The following BRWD1 variants were observed in gnomAD, a reference collection of about 807,000 sequenced individuals.
BRWD1 encodes bromodomain and WD repeat domain containing 1, also known as bromodomain and WD repeat-containing protein 1.
A neutral mutation model predicts 251.2 loss-of-function variants in BRWD1; 82 were observed. The ratio of observed to expected loss-of-function variants is 0.33; its 90% confidence interval spans 0.27 to 0.39. The LOEUF is 0.39. Ranked by LOEUF, BRWD1 falls within the 10% of genes least tolerant of loss-of-function variation. The probability of loss-of-function intolerance (pLI) is 1.00; values close to 1 mark genes in which losing one functional copy is unlikely to be tolerated. For missense variants in BRWD1, 2,233 were observed against 2,711.6 expected (o/e 0.82, Z 3.92); for synonymous variants, 918 against 902.8 (o/e 1.02, Z -0.30).
chr21:39,194,524 G>C lies in BRWD1; in HGVS notation c.*1735C>G, dbSNP rs1220654068. ...GCATCATAGTTCTGAAATGGTGATA[G>C]CTCTCTAAGCCACAAATGAGAGGAG... is the stretch of plus-strand genomic sequence containing the variant. On this transcript the variant is annotated 3_prime_UTR_variant, in exon 41 of 41. Coordinates refer to ENST00000342449, the MANE Select transcript of BRWD1 (RefSeq NM_033656.4). 2.1e-6 allele frequency: 3 copies of C among 1,430,012 alleles called. No homozygotes were observed. Among genetic ancestry groups the C allele is most frequent in the South Asian group, 3.0e-5 (2 of 65,922 alleles). 88.6% of individuals were successfully genotyped at this position (1,430,012 alleles called of 1,614,324 possible). A position where few individuals can be genotyped will look rare whatever the true frequency, so the allele number is the denominator to read the frequency against.
intron 4 of BRWD1, among the ~76,000 whole-genome samples, chr21:39,301,520 T>C (rs1243700096): frequency 6.6e-6 from 1 of 152,092 alleles, no homozygotes; most frequent in Non-Finnish European, 1.5e-5. Flanking sequence ...CTGCCAAAAC[T>C]ACATGAGCTT....
In BRWD1 at chr21:39,202,440, G is replaced by A. The variant is rs746685268; in HGVS notation, c.4470C>T (p.His1490=). The A allele has an allele frequency of 8.1e-6, 13 of 1,614,098 alleles. No individual in the cohort carries two copies. Among genetic ancestry groups the A allele is most frequent in the Non-Finnish European group, 1.0e-5 (12 of 1,179,958 alleles). ...TSSRTAYLGT[H]KTSAGISSGV... ...CTGAAGAGATACCAGCACTTGTCTT[G>A]TGGGTTCCAAGATAAGCTGTCCTAC... The change falls in exon 38 of 41, where the codon CAC becomes CAT. Residue 1490 remains histidine (H), a synonymous_variant. Transcript: ENST00000342449.
chr21:39,255,536 T>C (rs1370101133), intron 19 of BRWD1, 109 bp downstream of exon 19: 4 of 881,270 alleles, frequency 4.5e-6, no homozygotes, highest in Non-Finnish European at 6.8e-6. Flanking sequence ...TCATTACTAA[T>C]ATATTTATAC....
At chr21:39,245,120 G>A (rs897970559) in intron 21 of BRWD1, among the ~76,000 whole-genome samples, 2 of 151,686 alleles carry the variant, frequency 1.3e-5, no homozygotes, top group Non-Finnish European at 2.9e-5. Flanking sequence ...GCTGGTGCCT[G>A]TTAATCCCAG....
In BRWD1 at chr21:39,215,358, G is replaced by A. The variant is rs143468624; in HGVS notation, c.3664C>T (p.Leu1222=). The A allele has an allele frequency of 2.0e-3, 3,209 of 1,612,276 alleles. 5 individuals are homozygous for A. The highest frequency in any genetic ancestry group is 2.6e-3 in the Non-Finnish European group (3,058 of 1,178,952). Residue 1222 remains leucine (L), a synonymous_variant, in exon 32 of 41, where the codon CTG becomes TTG. Coordinates refer to ENST00000342449, the MANE Select transcript of BRWD1 (RefSeq NM_033656.4). Reference sequence around the variant, plus strand: ...CTGACTTCCCAAACTAACGCAGACAGCCTCCTTCAAAATAAAGTAGACAAT... The same window carrying A: ...CTGACTTCCCAAACTAACGCAGACAACCTCCTTCAAAATAAAGTAGACAAT... ...MRLVNRFYRR[L]SALVWEVRYI...
At chr21:39,224,274 T>C (rs1249572540) in intron 29 of BRWD1, 134 bp downstream of exon 29, 7 of 503,590 alleles carry the variant, frequency 1.4e-5, no homozygotes, top group Non-Finnish European at 2.4e-5. Context: ...TGTTGTCTTC[T>C]TTCAGTAAAG....
intron 27 of BRWD1, among the ~76,000 whole-genome samples, chr21:39,226,176 AT>A (rs1409697003): frequency 6.6e-6 from 1 of 152,210 alleles, no homozygotes; most frequent in East Asian, 1.9e-4. Flanking sequence ...GCCTGAAAAA[AT>A]TAAGTTTTCT....
Position 39,196,801 on chromosome 21 carries a change from T to A in BRWD1, c.6268A>T (p.Asn2090Tyr). Residue 2090 changes from asparagine to tyrosine, a missense_variant, in exon 41 of 41, where the codon AAT (asparagine) becomes TAT (tyrosine). By Grantham distance (143) the Asn-to-Tyr change is moderately radical. Around this residue, in one of 12 missense-constraint regions of BRWD1, gnomAD observed 928 missense variants for 970.0 expected, o/e 0.96. Transcript: ENST00000342449. The part of the protein sequence containing the change: ...TAENNFEVEL[N>Y]YGLRRWNGRR... ...CCATTCCACCTGCGCAGCCCATAAT[T>A]CAGTTCCACTTCAAAATTATTCTCT... The A allele has an allele frequency of 6.2e-7, 1 of 1,613,318 alleles. No homozygotes were observed. The highest frequency in any genetic ancestry group is 8.5e-7 in the Non-Finnish European group (1 of 1,179,930).
rs2036592195 is a variant in BRWD1, at chr21:39,313,501, C to T, written c.-10G>A. 2.8e-5 allele frequency: 30 copies of T among 1,068,246 alleles called. No individual in the cohort carries two copies. Among genetic ancestry groups the T allele is most frequent in the East Asian group, 8.3e-5 (1 of 12,062 alleles). 66.2% of individuals were successfully genotyped at this position (1,068,246 alleles called of 1,614,324 possible). ...ACGACGGCTCCGCCATGGCCGGGCGCGGGGCGGGAGGCGGGAGCGAGCGAG... is the reference window on the plus strand; with the variant it reads ...ACGACGGCTCCGCCATGGCCGGGCGTGGGGCGGGAGGCGGGAGCGAGCGAG... On this transcript the variant is annotated 5_prime_UTR_variant, in exon 1 of 41. Transcript: ENST00000342449.
Position 39,197,367 on chromosome 21 carries a change from C to A in BRWD1, c.5702G>T (p.Arg1901Met). ...NGLSRKISRK[R>M]VCSSDSDSSL... ...ACTGTCTGAGTCACTGGAACAGACC[C>A]TTTTCCTGGAAATTTTTCTGCTTAG... Residue 1901 changes from arginine to methionine, a missense_variant, in exon 41 of 41, where the codon AGG becomes ATG. By Grantham distance (91) the Arg-to-Met change is moderately conservative. This residue lies in a region of BRWD1 where 928 missense variants were observed against 970.0 expected (regional missense o/e 0.96). Coordinates refer to ENST00000342449, the MANE Select transcript of BRWD1 (RefSeq NM_033656.4). 6.2e-7 allele frequency: 1 copy of A among 1,606,106 alleles called. No homozygotes were observed. Among genetic ancestry groups the A allele is most frequent in the Non-Finnish European group, 8.5e-7 (1 of 1,177,598 alleles).
chr21:39,242,588 G>A (rs916075557), intron 21 of BRWD1, among the ~76,000 whole-genome samples: 16 of 152,162 alleles, frequency 1.1e-4, no homozygotes, highest in African/African-American at 3.9e-4. Flanking sequence ...AAATGCAGAT[G>A]AAATAAATAG....
At chr21:39,274,291 G>C (rs1032736844) in intron 13 of BRWD1, 83 bp downstream of exon 13, 1 of 1,081,658 alleles carries the variant, frequency 9.2e-7, no homozygotes, top group African/African-American at 1.7e-5. Context: ...TAACCACTGA[G>C]AGACACAGAG....
intron 4 of BRWD1, among the ~76,000 whole-genome samples, chr21:39,304,862 T>C (rs890556788): frequency 2.0e-5 from 3 of 151,632 alleles, no homozygotes; most frequent in African/African-American, 7.3e-5. Context: ...TTAAGGTCAA[T>C]TCAATAGGAA....
chr21:39,265,121 GAA>G (rs879111779), intron 15 of BRWD1, 102 bp from the exon 16 acceptor site: 3,687 of 807,656 alleles, frequency 4.6e-3, no homozygotes, highest in South Asian at 6.8e-3. Context: ...TATCCCTTCT[GAA>G]AAAAAAAAAA....
intron 33 of BRWD1, 101 bp downstream of exon 33, chr21:39,213,380 G>GACT: frequency 1.1e-6 from 1 of 939,498 alleles, no homozygotes; most frequent in Non-Finnish European, 1.7e-6. Flanking sequence ...TTGTTCATTG[G>GACT]ACTACTACAA....
intron 37 of BRWD1, among the ~76,000 whole-genome samples, chr21:39,205,432 A>C (rs941381674): frequency 6.6e-6 from 1 of 152,172 alleles, no homozygotes; most frequent in Non-Finnish European, 1.5e-5. Context: ...GGTCATGATC[A>C]TATCACTAGA....
intron 4 of BRWD1, 177 bp downstream of exon 4, chr21:39,312,664 A>G (rs2036530841): frequency 2.3e-6 from 1 of 429,968 alleles, no homozygotes; most frequent in Non-Finnish European, 4.3e-6. Context: ...GCCAAAACAA[A>G]CCTGGCCGCC....
At chr21:39,267,516 G>A (rs1272460026) in intron 15 of BRWD1, among the ~76,000 whole-genome samples, 3 of 152,080 alleles carry the variant, frequency 2.0e-5, no homozygotes, top group Non-Finnish European at 2.9e-5. Context: ...GGAGAATGGC[G>A]TGAACCCGGG....
intron 22 of BRWD1, among the ~76,000 whole-genome samples, chr21:39,237,799 CTGTTA>C (rs2033861817): frequency 6.6e-6 from 1 of 152,006 alleles, no homozygotes; most frequent in Admixed American, 6.5e-5. Flanking sequence ...GGTTATATTT[CTGTTA>C]TGTGTATTTT....
Sources: gnomAD v4.1 joint callset for allele counts (sites outside exome capture counted in the v4.1 genomes callset) on GRCh38, gnomAD v4.1.1 for gene constraint, gnomAD v4.1.1 regional missense constraint, MANE v1.5 for transcripts, NCBI Gene and HGNC (gene_info 2026-07-23, HGNC 2026-07-21) for gene names.